The following TCF4 variants were observed in gnomAD, a reference collection of about 807,000 sequenced individuals.
TCF4 encodes SL3-3 enhancer factor 2.
Under a neutral mutation model 82.1 loss-of-function variants are expected in TCF4, and 3 were observed. The ratio of observed to expected loss-of-function variants is 0.04; its 90% CI spans 0.02 to 0.09. The LOEUF (loss-of-function observed/expected upper bound fraction) is 0.09. Among genes scored for constraint, TCF4 ranks in the 10% least tolerant of loss-of-function variants. The pLI is 1.00. For synonymous variants in TCF4, 276 were observed against 309.6 expected (o/e 0.89, Z 1.14); for missense variants, 518 against 852.7 (o/e 0.61, Z 4.89).
At chr18:55,342,967 T>C (rs1242470182) in intron 8 of TCF4, among the ~76,000 whole-genome samples, 1 of 152,110 alleles carries the variant, frequency 6.6e-6, no homozygotes, top group African/African-American at 2.4e-5. Context: ...ATAAGCGTAA[T>C]TCAGGAGGCA....
intron 5 of TCF4, among the ~76,000 whole-genome samples, chr18:55,453,526 C>CTA (rs1307653148): frequency 6.6e-6 from 1 of 152,152 alleles, no homozygotes; most frequent in African/African-American, 2.4e-5. Context: ...TTTAGAAGGT[C>CTA]TATACATCTC....
intron 3 of TCF4, among the ~76,000 whole-genome samples, chr18:55,580,912 G>T (rs1302528387): frequency 6.6e-6 from 1 of 151,818 alleles, no homozygotes; most frequent in Admixed American, 6.6e-5. Flanking sequence ...AGTAATCCTT[G>T]CATCTCATTA....
intron 5 of TCF4, among the ~76,000 whole-genome samples, chr18:55,442,238 GT>G (rs2143959087): frequency 6.6e-6 from 1 of 152,294 alleles, no homozygotes; most frequent in South Asian, 2.1e-4. Context: ...GCTAAACCAT[GT>G]GCAGAATGTG....
intron 9 of TCF4, among the ~76,000 whole-genome samples, chr18:55,278,545 C>T (rs935143484): frequency 6.8e-6 from 1 of 147,756 alleles, no homozygotes; most frequent in African/African-American, 2.5e-5. Context: ...TTAAAAAATT[C>T]ATTTATTTAT....
intron 8 of TCF4, among the ~76,000 whole-genome samples, chr18:55,342,841 T>C (rs2080292184): frequency 6.6e-6 from 1 of 152,156 alleles, no homozygotes; most frequent in Admixed American, 6.6e-5. Context: ...ACAGGGTTAC[T>C]TGAAAACATT....
intron 2 of TCF4, among the ~76,000 whole-genome samples, chr18:55,613,625 C>A (rs900850103): frequency 6.6e-6 from 1 of 152,060 alleles, no homozygotes; most frequent in Non-Finnish European, 1.5e-5. Context: ...TGGCAGAAAG[C>A]AAAGGGGAAG....
At chr18:55,434,786 G>GTGTGTGTGTGTGTGTC (rs1556349172) in intron 5 of TCF4, among the ~76,000 whole-genome samples, 1 of 150,784 alleles carries the variant, frequency 6.6e-6, no homozygotes, top group Non-Finnish European at 1.5e-5. Flanking sequence ...GTGTGTGTGT[G>GTGTGTGTGTGTGTGTC]TGTGTGTGTG....
chr18:55,482,763 G>A (rs2096458242), intron 3 of TCF4: 2 of 152,152 alleles, frequency 1.3e-5, no homozygotes, highest in East Asian at 3.9e-4. Context: ...TACTTCATTG[G>A]CCCTTCTGCT....
intron 3 of TCF4, among the ~76,000 whole-genome samples, chr18:55,568,382 T>A (rs926929634): frequency 2.6e-5 from 4 of 151,828 alleles, no homozygotes; most frequent in African/African-American, 7.2e-5. Flanking sequence ...ATGAAAATTA[T>A]GGAGTCAGCA....
chr18:55,327,475 G>A (rs935716172), intron 8 of TCF4, among the ~76,000 whole-genome samples: 9 of 152,026 alleles, frequency 5.9e-5, no homozygotes, highest in African/African-American at 1.7e-4. Flanking sequence ...AAATATCAGC[G>A]TAAACTGTGA....
intron 6 of TCF4, among the ~76,000 whole-genome samples, chr18:55,385,454 G>A (rs1418471007): frequency 6.6e-6 from 1 of 152,196 alleles, no homozygotes; most frequent in African/African-American, 2.4e-5. Flanking sequence ...CCAGGCTGGA[G>A]TGCAATGCAC....
chr18:55,401,826 A>G, intron 6 of TCF4: 1 of 979,008 alleles, frequency 1.0e-6, no homozygotes, highest in Non-Finnish European at 1.2e-6. Context: ...TCTCTCAATG[A>G]CCAGAAAAAG....
chr18:55,507,109 C>T (rs1338314708), intron 3 of TCF4, among the ~76,000 whole-genome samples: 5 of 152,128 alleles, frequency 3.3e-5, no homozygotes, highest in Admixed American at 2.6e-4. Flanking sequence ...GTGATCCGCC[C>T]GCCTTGGCCT....
At chr18:55,598,562 G>A (rs1395127005) in intron 2 of TCF4, among the ~76,000 whole-genome samples, 1 of 152,176 alleles carries the variant, frequency 6.6e-6, no homozygotes, top group Non-Finnish European at 1.5e-5. Context: ...AGGCAACATG[G>A]AGGATGAATT....
chr18:55,292,495 C>T (rs2065314722), intron 8 of TCF4, among the ~76,000 whole-genome samples: 1 of 152,058 alleles, frequency 6.6e-6, no homozygotes, highest in Non-Finnish European at 1.5e-5. Context: ...TTATTTCTGT[C>T]TTTTTTGTCT....
intron 6 of TCF4, among the ~76,000 whole-genome samples, chr18:55,368,056 C>G (rs553945359): frequency 6.6e-6 from 1 of 152,270 alleles, no homozygotes; most frequent in Admixed American, 6.5e-5. Context: ...TTGAATGAAG[C>G]AAATAACATA....
chr18:55,601,500 C>G (rs2097696937), intron 2 of TCF4, among the ~76,000 whole-genome samples: 1 of 150,410 alleles, frequency 6.6e-6, no homozygotes, highest in Admixed American at 6.6e-5. Flanking sequence ...AAGTCTGATT[C>G]AAGCTGGGTG....
intron 8 of TCF4, among the ~76,000 whole-genome samples, chr18:55,337,188 G>A (rs1270441890): frequency 6.6e-6 from 1 of 151,880 alleles, no homozygotes; most frequent in Non-Finnish European, 1.5e-5. Flanking sequence ...GAATTCTCTC[G>A]AACTCTTAAG....
chr18:55,332,680 G>A (rs1471086900), intron 8 of TCF4, among the ~76,000 whole-genome samples: 1 of 152,202 alleles, frequency 6.6e-6, no homozygotes. Context: ...CACCTTCCAG[G>A]AGGCGTGGCA....
Sources: allele counts gnomAD v4.1 joint callset (sites outside exome capture counted in the v4.1 genomes callset), GRCh38; gene constraint gnomAD v4.1.1; transcripts MANE v1.5; gene names NCBI Gene and HGNC (gene_info 2026-07-23, HGNC 2026-07-21).